Variants in SLC25A27 observed in about 807,000 individuals in gnomAD.
The protein encoded by SLC25A27 is solute carrier family 25 member 27.
In SLC25A27, 35 loss-of-function variants were observed where a neutral mutation model predicts 49.1. That is an observed-to-expected ratio of 0.71 (90% confidence interval 0.54 to 0.95). The LOEUF is 0.95. Among genes scored for constraint, SLC25A27 ranks in the 40% least tolerant of loss-of-function variants. The pLI is 0.00. For missense variants in SLC25A27, 339 were observed against 397.1 expected (o/e 0.85, Z 1.24); for synonymous variants, 144 against 136.9 (o/e 1.05, Z -0.36).
chr6:46,668,159 A>G (rs964480443), intron 5 of SLC25A27, among the ~76,000 whole-genome samples: 9 of 152,176 alleles, frequency 5.9e-5, no homozygotes, highest in African/African-American at 1.4e-4. Flanking sequence ...AGCCTGGGTA[A>G]TATAGTAAAA....
Position 46,670,188 on chromosome 6 carries a change from A to G in SLC25A27, c.758A>G (p.Lys253Arg), listed in dbSNP as rs768252601. ...CTGGGAACACCAGCCGATGTCATCAAAAGCAGAATAATGAATCAACCACGA... is the reference window on the plus strand; with the variant it reads ...CTGGGAACACCAGCCGATGTCATCAGAAGCAGAATAATGAATCAACCACGA... ...SILGTPADVI[K>R]SRIMNQPRDK... Residue 253 changes from lysine (K) to arginine (R), a missense_variant, in exon 7 of 9, where the codon AAA (lysine) becomes AGA (arginine). Physicochemically the swap from Lys to Arg is conservative, Grantham distance 26 (BLOSUM62 2). Coordinates refer to ENST00000371347, the MANE Select transcript of SLC25A27 (RefSeq NM_004277.5). 16 of 1,613,534 alleles carry G rather than the reference A, an allele frequency of 9.9e-6. No individual in the cohort carries two copies. The South Asian group carries it at 1.5e-4, about 16-fold the overall frequency.
At chr6:46,659,093 A>T (rs1396520484) in intron 3 of SLC25A27, 47 bp downstream of exon 3, 2 of 1,227,294 alleles carry the variant, frequency 1.6e-6, no homozygotes, top group African/African-American at 3.0e-5. Context: ...AAATGCCTTA[A>T]TGTTTATTAG....
chr6:46,668,849 A>G (rs1763414670), intron 6 of SLC25A27, 56 bp downstream of exon 6: 5 of 987,394 alleles, frequency 5.1e-6, no homozygotes, highest in Non-Finnish European at 6.4e-6. Flanking sequence ...TTTTTCTTCC[A>G]TATTTGACAT....
intron 1 of SLC25A27, among the ~76,000 whole-genome samples, chr6:46,654,896 G>A (rs1203019679): frequency 6.6e-6 from 1 of 152,164 alleles, no homozygotes; most frequent in Non-Finnish European, 1.5e-5. Flanking sequence ...GTGTCAGGTG[G>A]TGGTCATTGA....
In SLC25A27 at chr6:46,670,130, T is replaced by C; in HGVS notation, c.705-5T>C. ...TCTTTCAATTTCATTTATTTGTATT[T>C]ATAGTTTATGTTCTGGACTGGTAGC... On this transcript the variant is annotated splice_polypyrimidine_tract_variant and splice_region_variant and intron_variant, in intron 6 of 8. Coordinates refer to ENST00000371347, the MANE Select transcript of SLC25A27 (RefSeq NM_004277.5). The C allele has an allele frequency of 6.3e-7, 1 of 1,594,246 alleles. No homozygotes were observed. The highest frequency in any genetic ancestry group is 8.6e-7 in the Non-Finnish European group (1 of 1,165,386).
chr6:46,659,175 A>G, intron 3 of SLC25A27, 129 bp downstream of exon 3: 1 of 664,338 alleles, frequency 1.5e-6, no homozygotes, highest in Non-Finnish European at 2.7e-6. Context: ...TTACAATATA[A>G]GTCCAGATAA....
chr6:46,656,065 G>T, intron 2 of SLC25A27, 31 bp downstream of exon 2: 1 of 1,568,058 alleles, frequency 6.4e-7, no homozygotes, highest in South Asian at 1.2e-5. Context: ...TGGTAAGTTT[G>T]TTATGAGTTC....
Position 46,656,937 on chromosome 6 carries a change from G to A in SLC25A27, c.298+903G>A, listed in dbSNP as rs565416805. Among the ~76,000 whole-genome samples, 17 of 152,278 alleles carry A rather than the reference G, an allele frequency of 1.1e-4. No homozygotes were observed. In the South Asian group the frequency reaches 3.1e-3, roughly 28 times the overall value. ...TCCCAGCAGTTTGGAAAGCCGAGGC[G>A]GGATAATTGCTTGAGCCCAGGAGTT... On this transcript the variant is annotated intron_variant, in intron 2 of 8. Transcript: ENST00000371347.
At position 46,658,937 on chromosome 6, in the gene SLC25A27, C is replaced by T. The variant is rs1582499051; in HGVS notation, c.299-25C>T. Reference sequence around the variant, plus strand: ...TATAGATACATATAGCCAAAGTTACCTTTTTAATGATCTTTTTTACCCAGT... The same window carrying T: ...TATAGATACATATAGCCAAAGTTACTTTTTTAATGATCTTTTTTACCCAGT... On this transcript the variant is annotated intron_variant, in intron 2 of 8. Coordinates refer to ENST00000371347, the MANE Select transcript of SLC25A27 (RefSeq NM_004277.5). 6 of 1,548,512 alleles carry T rather than the reference C, an allele frequency of 3.9e-6. No individual in the cohort carries two copies. The East Asian group carries it at 1.3e-4, about 35-fold the overall frequency.
At chr6:46,655,535 G>GTTTTTTTTTTTTTTTTTTTTT (rs773585919) in intron 1 of SLC25A27, among the ~76,000 whole-genome samples, 4 of 10,704 alleles carry the variant, frequency 3.7e-4, no homozygotes, top group Admixed American at 1.3e-3. Context: ...GTTAATGTTT[G>GTTTTTTTTTTTTTTTTTTTTT]TTTTTTTTTT....
chr6:46,670,043 T>C, intron 6 of SLC25A27, 92 bp from the exon 7 acceptor site: 1 of 652,218 alleles, frequency 1.5e-6, no homozygotes, highest in Non-Finnish European at 2.5e-6. Flanking sequence ...AGAATATATT[T>C]AGTATTATAT....
intron 1 of SLC25A27, chr6:46,654,070 T>C (rs1232327936): frequency 1.0e-6 from 1 of 981,654 alleles, no homozygotes; most frequent in Non-Finnish European, 1.2e-6. Flanking sequence ...GAAAAAACTT[T>C]AAGAGGCCAT....
At chr6:46,659,191 C>A in intron 3 of SLC25A27, 145 bp downstream of exon 3, 1 of 633,152 alleles carries the variant, frequency 1.6e-6, no homozygotes, top group Non-Finnish European at 2.8e-6. Context: ...GATAATTGAG[C>A]ATTTACTGCA....
At chr6:46,660,943 G>C (rs1344554746) in intron 3 of SLC25A27, among the ~76,000 whole-genome samples, 1 of 152,186 alleles carries the variant, frequency 6.6e-6, no homozygotes, top group Admixed American at 6.5e-5. Flanking sequence ...GGGTGGATAG[G>C]TTTAATGTCC....
chr6:46,664,928 T>A, intron 5 of SLC25A27, 42 bp downstream of exon 5: 2 of 991,166 alleles, frequency 2.0e-6, no homozygotes, highest in Non-Finnish European at 3.0e-6. Context: ...CCTAATTGCC[T>A]TAATAGCTGT....
intron 1 of SLC25A27, chr6:46,654,199 AC>A: frequency 1.2e-6 from 1 of 861,604 alleles, no homozygotes; most frequent in Non-Finnish European, 1.4e-6. Context: ...GATTACCCTT[AC>A]ATTTTCTTGC....
intron 2 of SLC25A27, chr6:46,658,422 C>T (rs1763057373): frequency 2.7e-6 from 1 of 366,368 alleles, no homozygotes; most frequent in Non-Finnish European, 5.4e-6. Flanking sequence ...TGTTGTTTTA[C>T]AGCTAAGATT....
intron 3 of SLC25A27, among the ~76,000 whole-genome samples, chr6:46,661,287 GGTT>G (rs1270526680): frequency 2.0e-5 from 3 of 152,152 alleles, no homozygotes; most frequent in South Asian, 2.1e-4. Context: ...CATTTTCACA[GGTT>G]GTTGGTGGAA....
intron 1 of SLC25A27, chr6:46,653,923 A>C (rs1439634800): frequency 7.6e-6 from 7 of 916,030 alleles, no homozygotes; most frequent in Non-Finnish European, 7.8e-6. Context: ...TATATTTGAA[A>C]AGACCCAGTT....
Sources: allele counts gnomAD v4.1 joint callset (sites outside exome capture counted in the v4.1 genomes callset), GRCh38; gene constraint gnomAD v4.1.1; transcripts MANE v1.5; gene names NCBI Gene and HGNC (gene_info 2026-07-23, HGNC 2026-07-21).